The following HS3ST3A1 variants were observed in gnomAD, a reference collection of about 807,000 sequenced individuals.
HS3ST3A1 encodes heparan sulfate glucosamine 3-O-sulfotransferase 3A1.
In HS3ST3A1, 19 loss-of-function variants were observed where a neutral mutation model predicts 25.7. The observed-to-expected ratio is 0.74, with a 90% confidence interval of 0.52 to 1.08. The LOEUF (loss-of-function observed/expected upper bound fraction) is 1.08, where lower values mean the gene tolerates loss of function less well. HS3ST3A1 is among the 50% of genes least tolerant of loss of function. The pLI is 0.00. For synonymous variants in HS3ST3A1, 226 were observed against 278.6 expected (o/e 0.81, Z 1.88); for missense variants, 459 against 594.3 (o/e 0.77, Z 2.37).
intron 1 of HS3ST3A1, among the ~76,000 whole-genome samples, chr17:13,593,464 A>G (rs1908489462): frequency 6.6e-6 from 1 of 152,134 alleles, no homozygotes; most frequent in African/African-American, 2.4e-5. Context: ...TTCGGAAACA[A>G]GAGAGTAGGA....
chr17:13,571,816 G>A (rs1567626622), intron 1 of HS3ST3A1, among the ~76,000 whole-genome samples: 1 of 152,182 alleles, frequency 6.6e-6, no homozygotes, highest in Admixed American at 6.5e-5. Context: ...CTGGAGTGCG[G>A]TGGCATGATC....
chr17:13,566,833 C>A (rs949836870), intron 1 of HS3ST3A1, among the ~76,000 whole-genome samples: 2 of 152,090 alleles, frequency 1.3e-5, no homozygotes, highest in African/African-American at 4.8e-5. Flanking sequence ...GAGTCTAGTT[C>A]ATGGGGTTTA....
chr17:13,561,658 C>T (rs879193422), intron 1 of HS3ST3A1, among the ~76,000 whole-genome samples: 3 of 152,224 alleles, frequency 2.0e-5, no homozygotes, highest in Admixed American at 2.0e-4. Flanking sequence ...TCCCAAAGTG[C>T]TGGGATTACA....
At position 13,585,186 on chromosome 17, in the gene HS3ST3A1, C is replaced by CTTTTTTTTTTTTTTTTT. The variant is rs71144977; in HGVS notation, c.599+15328_599+15344dup. 1.2e-3 allele frequency among the ~76,000 whole-genome samples: 41 copies of CTTTTTTTTTTTTTTTTT among 33,246 alleles called. 12 individuals carry two copies. Among genetic ancestry groups the CTTTTTTTTTTTTTTTTT allele is most frequent in the Admixed American group, 1.6e-3 (3 of 1,848 alleles). The allele number at this position is 33,246 out of a possible 152,430, so 21.8% of individuals were successfully genotyped here. On this transcript the variant is annotated intron_variant, in intron 1 of 1. Transcript: ENST00000284110. ...CAATCTAAATACTCATTTTTCTGTG[C>CTTTTTTTTTTTTTTTTT]TTTTTTTTTTTTTTTTTTTTTTTTT...
intron 1 of HS3ST3A1, among the ~76,000 whole-genome samples, chr17:13,592,495 C>T (rs1412030903): frequency 6.6e-6 from 1 of 152,100 alleles, no homozygotes; most frequent in African/African-American, 2.4e-5. Flanking sequence ...TGTATAGCCA[C>T]TAAAATGGAA....
At chr17:13,522,255 C>G (rs1404600085) in intron 1 of HS3ST3A1, among the ~76,000 whole-genome samples, 1 of 151,280 alleles carries the variant, frequency 6.6e-6, no homozygotes, top group South Asian at 2.1e-4. Context: ...TTAACAATAC[C>G]GAGAGAGTAT....
At chr17:13,515,388 G>A (rs1188773993) in intron 1 of HS3ST3A1, among the ~76,000 whole-genome samples, 1 of 151,798 alleles carries the variant, frequency 6.6e-6, no homozygotes, top group East Asian at 1.9e-4. Flanking sequence ...TTGAACTCGT[G>A]ACCTCAGGTG....
At chr17:13,527,006 C>A (rs1041721627) in intron 1 of HS3ST3A1, among the ~76,000 whole-genome samples, 1 of 152,120 alleles carries the variant, frequency 6.6e-6, no homozygotes, top group Non-Finnish European at 1.5e-5. Context: ...TGGCTGGGCA[C>A]TATTCTGGGA....
At chr17:13,586,541 C>T (rs975865864) in intron 1 of HS3ST3A1, among the ~76,000 whole-genome samples, 1 of 151,756 alleles carries the variant, frequency 6.6e-6, no homozygotes, top group Non-Finnish European at 1.5e-5. Context: ...TGTAGTTAAC[C>T]CAAACTGAAA....
chr17:13,546,659 T>C (rs1399671830), intron 1 of HS3ST3A1, among the ~76,000 whole-genome samples: 1 of 152,196 alleles, frequency 6.6e-6, no homozygotes, highest in Non-Finnish European at 1.5e-5. Flanking sequence ...CCTCTCTCTT[T>C]AACTACCTCC....
intron 1 of HS3ST3A1, among the ~76,000 whole-genome samples, chr17:13,582,315 G>A (rs1352429987): frequency 6.6e-6 from 1 of 152,160 alleles, no homozygotes; most frequent in Admixed American, 6.5e-5. Context: ...CTGATAATAG[G>A]CATACATAAA....
At chr17:13,547,805 T>A (rs1178265572) in intron 1 of HS3ST3A1, among the ~76,000 whole-genome samples, 1 of 152,108 alleles carries the variant, frequency 6.6e-6, no homozygotes, top group African/African-American at 2.4e-5. Flanking sequence ...GCATCTGATA[T>A]GGGGCAGCCT....
chr17:13,516,081 C>G (rs190767729), intron 1 of HS3ST3A1, among the ~76,000 whole-genome samples: 1 of 152,026 alleles, frequency 6.6e-6, no homozygotes, highest in South Asian at 2.1e-4. Context: ...AAGGCCGAAG[C>G]GGGCGAATCA....
chr17:13,566,760 C>T (rs567365873), intron 1 of HS3ST3A1, among the ~76,000 whole-genome samples: 1 of 152,064 alleles, frequency 6.6e-6, no homozygotes, highest in African/African-American at 2.4e-5. Flanking sequence ...CCCTAACTCT[C>T]TCATATTTTA....
chr17:13,550,734 C>A (rs961732383), intron 1 of HS3ST3A1, among the ~76,000 whole-genome samples: 1 of 151,884 alleles, frequency 6.6e-6, no homozygotes, highest in Non-Finnish European at 1.5e-5. Context: ...ACAACAACAA[C>A]AAAACAGATA....
intron 1 of HS3ST3A1, among the ~76,000 whole-genome samples, chr17:13,526,515 T>TATATATATATATATATA (rs1906433513): frequency 2.2e-5 from 3 of 134,076 alleles, no homozygotes; most frequent in South Asian, 2.4e-4. Flanking sequence ...TATATATATA[T>TATATATATATATATATA]TATTGGGTTG....
rs1907640308 is a variant in HS3ST3A1, at chr17:13,564,924, G to A, written c.599+35607C>T. ...TTTAGTAGAGACGGGGTTCTGCCAA[G>A]TTGGCCAGGCTGGTCGCAAACTCCT... On this transcript the variant is annotated intron_variant, in intron 1 of 1. Transcript: ENST00000284110. 2.0e-5 allele frequency among the ~76,000 whole-genome samples: 3 copies of A among 152,000 alleles called. No individual in the cohort carries two copies. In the South Asian group the frequency reaches 6.2e-4, roughly 32 times the overall value.
chr17:13,548,047 C>T (rs1242160850), intron 1 of HS3ST3A1, among the ~76,000 whole-genome samples: 2 of 151,648 alleles, frequency 1.3e-5, no homozygotes, highest in Admixed American at 6.6e-5. Flanking sequence ...AGTCTAAATT[C>T]TCACTTTCAC....
At chr17:13,573,069 G>A (rs540844439) in intron 1 of HS3ST3A1, among the ~76,000 whole-genome samples, 1 of 152,206 alleles carries the variant, frequency 6.6e-6, no homozygotes, top group African/African-American at 2.4e-5. Flanking sequence ...TGAACACCAT[G>A]AGATTCCTCA....
Sources: allele counts gnomAD v4.1 joint callset (sites outside exome capture counted in the v4.1 genomes callset), GRCh38; gene constraint gnomAD v4.1.1; transcripts MANE v1.5; gene names NCBI Gene and HGNC (gene_info 2026-07-23, HGNC 2026-07-21).